Variants in MAP7 observed in about 807,000 individuals in gnomAD.
The protein encoded by MAP7 is ensconsin.
MAP7 carries 52 observed loss-of-function variants against 94.8 expected under a neutral mutation model. The ratio of observed to expected loss-of-function variants is 0.55; its 90% CI spans 0.44 to 0.69. The LOEUF is 0.69. Ranked by LOEUF, MAP7 falls within the 30% of genes least tolerant of loss-of-function variation. MAP7 has a pLI of 0.00. For missense variants in MAP7, 940 were observed against 964.6 expected, an observed-to-expected ratio of 0.97 and a Z score of 0.34; for synonymous variants, 350 against 357.0, an observed-to-expected ratio of 0.98 and a Z score of 0.22.
At chr6:136,460,490 T>C (rs1804841912) in intron 1 of MAP7, among the ~76,000 whole-genome samples, 1 of 152,204 alleles carries the variant, frequency 6.6e-6, no homozygotes, top group Admixed American at 6.6e-5. Flanking sequence ...CAAACATTTT[T>C]GTCAGCTGAA....
At chr6:136,438,352 A>G (rs1422220976) in intron 1 of MAP7, among the ~76,000 whole-genome samples, 2 of 152,266 alleles carry the variant, frequency 1.3e-5, no homozygotes, top group African/African-American at 4.8e-5. Flanking sequence ...AGAAGTGGTC[A>G]GAAAGGGTCT....
At position 136,522,945 on chromosome 6, in the gene MAP7, C is replaced by A. The variant is rs183385543; in HGVS notation, c.67+27397G>T. On this transcript the variant is annotated intron_variant, in intron 1 of 17. Transcript: ENST00000354570. ...AGCTATTAAGGAGGTTGAGGCAGGA[C>A]GATCACTTGAGCCCAGGAGTTGGAG... is the stretch of plus-strand genomic sequence containing the variant. Among the ~76,000 whole-genome samples the A allele has an allele frequency of 5.3e-5, 8 of 152,078 alleles. No homozygotes were observed. In the East Asian group the frequency reaches 1.4e-3, roughly 26 times the overall value.
rs1786951234 is a variant in MAP7 at position 136,343,493 on chromosome 6, ATGT to A, written c.*732_*734del. ...ATGCAGCTAACAAATTAAATTTGTAATGTTGTCACATTATTCTAATTTATTTGA... is the reference window on the plus strand; with the variant it reads ...ATGCAGCTAACAAATTAAATTTGTAATGTCACATTATTCTAATTTATTTGA... On this transcript the variant is annotated 3_prime_UTR_variant, in exon 18 of 18. Coordinates refer to ENST00000354570, the MANE Select transcript of MAP7 (RefSeq NM_003980.6). 1 of 152,676 alleles carries A rather than the reference ATGT, an allele frequency of 6.5e-6. No individual in the cohort carries two copies. The highest frequency in any genetic ancestry group is 1.5e-5 in the Non-Finnish European group (1 of 68,046). The allele number at this position is 152,676 out of a possible 1,614,324, so 9.5% of individuals were successfully genotyped here.
In MAP7 at chr6:136,421,796, G is replaced by A; in HGVS notation, c.71C>T (p.Pro24Leu). Residue 24 changes from proline to leucine, a missense_variant, in exon 2 of 18, where the codon CCC becomes CTC. By Grantham distance (98) the Pro-to-Leu change is moderately conservative (BLOSUM62 -3). Transcript: ENST00000354570. ...GDGAVRSETA[P>L]DSYKVQDKKN... is the part of the protein sequence containing the mutation. Reference sequence around the variant, plus strand: ...CTTATCTTGCACTTTGTAGCTGTCGGGTGCTACAGAAATGAGACAAAAGAG... The same window carrying A: ...CTTATCTTGCACTTTGTAGCTGTCGAGTGCTACAGAAATGAGACAAAAGAG... 1 of 1,603,412 alleles carries A rather than the reference G, an allele frequency of 6.2e-7. No homozygotes were observed. The highest frequency in any genetic ancestry group is 8.5e-7 in the Non-Finnish European group (1 of 1,176,854).
chr6:136,541,810 G>A (rs1829345761), intron 1 of MAP7, among the ~76,000 whole-genome samples: 1 of 152,148 alleles, frequency 6.6e-6, no homozygotes, highest in Non-Finnish European at 1.5e-5. Context: ...TGTAATTCCA[G>A]CACTTTAGGA....
At chr6:136,526,086 T>C in intron 1 of MAP7, 3 of 1,426,770 alleles carry the variant, frequency 2.1e-6, no homozygotes, top group Non-Finnish European at 2.7e-6. Context: ...GCACTTGTAA[T>C]AGATCCCCTA....
intron 1 of MAP7, among the ~76,000 whole-genome samples, chr6:136,437,284 T>C (rs555759913): frequency 1.3e-5 from 2 of 152,270 alleles, no homozygotes; most frequent in African/African-American, 4.8e-5. Flanking sequence ...GGCTCTCCCA[T>C]CAGAGTTGGT....
chr6:136,457,475 G>A (rs967143702), intron 1 of MAP7, among the ~76,000 whole-genome samples: 11 of 152,048 alleles, frequency 7.2e-5, no homozygotes, highest in African/African-American at 2.4e-4. Context: ...ATTACGAAGC[G>A]GTGTTACCGT....
intron 1 of MAP7, among the ~76,000 whole-genome samples, chr6:136,527,557 C>T (rs1024132144): frequency 6.6e-6 from 1 of 152,102 alleles, no homozygotes; most frequent in Admixed American, 6.5e-5. Context: ...TCAGTGCCTC[C>T]GTTTTCTCTG....
chr6:136,406,651 T>C (rs1785704412), intron 3 of MAP7, among the ~76,000 whole-genome samples: 1 of 152,070 alleles, frequency 6.6e-6, no homozygotes, highest in Non-Finnish European at 1.5e-5. Context: ...CAAAATCCCA[T>C]CTCTACTAAA....
intron 1 of MAP7, among the ~76,000 whole-genome samples, chr6:136,466,215 T>A (rs1806997086): frequency 6.6e-6 from 1 of 152,126 alleles, no homozygotes. Flanking sequence ...GCAAGATAAA[T>A]GTGATCTTTC....
intron 1 of MAP7, among the ~76,000 whole-genome samples, chr6:136,434,365 T>C (rs1340787542): frequency 6.6e-6 from 1 of 150,408 alleles, no homozygotes; most frequent in African/African-American, 2.4e-5. Context: ...TAATTTGTGA[T>C]CTGAAAATAT....
At chr6:136,529,368 C>T (rs1397469109) in intron 1 of MAP7, among the ~76,000 whole-genome samples, 1 of 152,142 alleles carries the variant, frequency 6.6e-6, no homozygotes, top group Admixed American at 6.5e-5. Context: ...GATCCACCCA[C>T]CTTGGCTTCT....
At chr6:136,528,229 T>C (rs576313714) in intron 1 of MAP7, among the ~76,000 whole-genome samples, 22 of 152,312 alleles carry the variant, frequency 1.4e-4, no homozygotes, top group African/African-American at 4.1e-4. Context: ...CTCCAATTTA[T>C]GTGGAGATGG....
intron 1 of MAP7, among the ~76,000 whole-genome samples, chr6:136,494,642 C>A (rs1389857384): frequency 6.6e-6 from 1 of 152,166 alleles, no homozygotes; most frequent in African/African-American, 2.4e-5. Context: ...TTCATGTACA[C>A]TGAGGCTACA....
rs772955124 is a variant in MAP7 at position 136,366,058 on chromosome 6, T to G, written c.990-40A>C. On this transcript the variant is annotated intron_variant, in intron 9 of 17. Transcript: ENST00000354570. ...AACAAGGCAGACAAAAGGGGACACA[T>G]GAGAACAGGCTTGCCAGAACCTAGA... The G allele has an allele frequency of 3.2e-6, 5 of 1,582,960 alleles. No individual in the cohort carries two copies. In the South Asian group the frequency reaches 4.5e-5, roughly 14 times the overall value.
At position 136,359,480 on chromosome 6, in the gene MAP7, A is replaced by ATTTAGT. The variant is rs1791911768; in HGVS notation, c.1912+334_1912+339dup. Among the ~76,000 whole-genome samples, 3 of 152,226 alleles carry ATTTAGT rather than the reference A, an allele frequency of 2.0e-5. No homozygotes were observed. In the South Asian group the frequency reaches 6.2e-4, roughly 31 times the overall value. On this transcript the variant is annotated intron_variant, in intron 15 of 17. Transcript: ENST00000354570. The stretch of plus-strand genomic sequence containing the variant: ...GAGCAGACAGTATGTGATAAATGAA[A>ATTTAGT]TTTAGTTTTATAAACTCAAAAGAAA...
At chr6:136,523,104 C>A (rs1252535071) in intron 1 of MAP7, among the ~76,000 whole-genome samples, 1 of 152,058 alleles carries the variant, frequency 6.6e-6, no homozygotes, top group Non-Finnish European at 1.5e-5. Context: ...ACAAATGATA[C>A]AGGCAACTAG....
At chr6:136,449,018 A>AAAT in intron 1 of MAP7, among the ~76,000 whole-genome samples, 1 of 143,628 alleles carries the variant, frequency 7.0e-6, no homozygotes, top group Admixed American at 6.9e-5. Context: ...AAAAAAAAAA[A>AAAT]AAGAAGCAAG....
Sources: allele counts gnomAD v4.1 joint callset (sites outside exome capture counted in the v4.1 genomes callset), GRCh38; gene constraint gnomAD v4.1.1; transcripts MANE v1.5; gene names NCBI Gene and HGNC (gene_info 2026-07-23, HGNC 2026-07-21).